Variants in NELL2 observed in about 807,000 individuals in gnomAD.
The protein encoded by NELL2 is neural EGFL like 2.
Under a neutral mutation model 109.6 loss-of-function variants are expected in NELL2, and 41 were observed. That is an observed-to-expected ratio of 0.37 (90% confidence interval 0.29 to 0.49). The LOEUF (loss-of-function observed/expected upper bound fraction) is 0.49, where lower values mean the gene tolerates loss of function less well. Ranked by LOEUF, NELL2 falls within the 20% of genes least tolerant of loss-of-function variation. NELL2 has a pLI of 0.98. For missense variants in NELL2, 900 were observed against 1,008.3 expected (o/e 0.89, Z 1.45); for synonymous variants, 355 against 344.7 (o/e 1.03, Z -0.33).
chr12:44,818,904 A>G (rs60000236), intron 2 of NELL2, among the ~76,000 whole-genome samples: 6 of 149,882 alleles, frequency 4.0e-5, no homozygotes, highest in East Asian at 2.0e-4. Flanking sequence ...CACCGCGCCC[A>G]GCTAATTTTT....
At chr12:44,678,243 G>T (rs1948381701) in intron 12 of NELL2, among the ~76,000 whole-genome samples, 1 of 151,906 alleles carries the variant, frequency 6.6e-6, no homozygotes, top group Non-Finnish European at 1.5e-5. Flanking sequence ...ACCTATATTT[G>T]GAAAAATCTT....
chr12:44,512,920 T>C (rs569354140), intron 19 of NELL2, among the ~76,000 whole-genome samples: 1 of 152,094 alleles, frequency 6.6e-6, no homozygotes, highest in East Asian at 1.9e-4. Flanking sequence ...TAAATATAAT[T>C]AATAATAATT....
intron 9 of NELL2, among the ~76,000 whole-genome samples, chr12:44,756,752 T>C (rs957746765): frequency 6.6e-6 from 1 of 152,194 alleles, no homozygotes; most frequent in Non-Finnish European, 1.5e-5. Flanking sequence ...CTCTTTCTCA[T>C]GTTATTTTAC....
intron 1 of NELL2, among the ~76,000 whole-genome samples, chr12:44,882,513 CACGCACACAT>C (rs1566589949): frequency 2.0e-5 from 3 of 151,496 alleles, no homozygotes; most frequent in African/African-American, 7.3e-5. Flanking sequence ...CACGCACACA[CACGCACACAT>C]ACATATATAT....
At chr12:44,753,522 A>T (rs542495538) in intron 9 of NELL2, among the ~76,000 whole-genome samples, 4 of 152,336 alleles carry the variant, frequency 2.6e-5, no homozygotes, top group South Asian at 4.1e-4. Context: ...GGTAAGCTGC[A>T]AAGTATTTTT....
chr12:44,819,154 T>C (rs188243478), intron 2 of NELL2, among the ~76,000 whole-genome samples: 1 of 152,234 alleles, frequency 6.6e-6, no homozygotes, highest in Admixed American at 6.5e-5. Context: ...TGAATATTAG[T>C]AAAAATGTAC....
chr12:44,875,629 C>A, intron 1 of NELL2, 186 bp downstream of exon 1: 1 of 1,606,040 alleles, frequency 6.2e-7, no homozygotes, highest in Non-Finnish European at 8.5e-7. Context: ...GGGCGTGATC[C>A]GCCTCGCGGT....
At chr12:44,580,003 TTAAC>T (rs1211527298) in intron 15 of NELL2, among the ~76,000 whole-genome samples, 1 of 152,202 alleles carries the variant, frequency 6.6e-6, no homozygotes, top group Admixed American at 6.5e-5. Context: ...TATACATTAT[TTAAC>T]TATCCAGAAA....
At chr12:44,761,151 C>T (rs1227084151) in intron 9 of NELL2, among the ~76,000 whole-genome samples, 1 of 152,148 alleles carries the variant, frequency 6.6e-6, no homozygotes, top group Non-Finnish European at 1.5e-5. Flanking sequence ...CACCTGAGGT[C>T]GGGAGTTCAA....
chr12:44,765,230 G>T (rs1413388833), intron 9 of NELL2, among the ~76,000 whole-genome samples: 5 of 152,176 alleles, frequency 3.3e-5, no homozygotes, highest in Non-Finnish European at 7.3e-5. Flanking sequence ...TATCTATTGT[G>T]CTATATGGAC....
At chr12:44,627,314 C>A (rs1946300993) in intron 13 of NELL2, among the ~76,000 whole-genome samples, 1 of 151,914 alleles carries the variant, frequency 6.6e-6, no homozygotes, top group African/African-American at 2.4e-5. Context: ...TTGCTTTAAT[C>A]TAATTTTTTG....
At chr12:44,578,313 C>T (rs530466547) in intron 15 of NELL2, among the ~76,000 whole-genome samples, 27 of 151,610 alleles carry the variant, frequency 1.8e-4, no homozygotes, top group African/African-American at 6.3e-4. Flanking sequence ...AAAACATATA[C>T]TTAAATATAT....
chr12:44,631,193 A>G (rs893832378), intron 13 of NELL2, among the ~76,000 whole-genome samples: 1 of 150,132 alleles, frequency 6.7e-6, no homozygotes, highest in Non-Finnish European at 1.5e-5. Flanking sequence ...TCTCTAACAT[A>G]TAAAGGTGAG....
intron 1 of NELL2, among the ~76,000 whole-genome samples, chr12:44,900,943 C>G (rs2136880731): frequency 6.6e-6 from 1 of 152,154 alleles, no homozygotes; most frequent in African/African-American, 2.4e-5. Context: ...GAGGCCAGAT[C>G]ATGCCACTGC....
intron 16 of NELL2, among the ~76,000 whole-genome samples, chr12:44,530,210 C>T (rs771994631): frequency 1.5e-4 from 23 of 152,100 alleles, no homozygotes; most frequent in South Asian, 6.2e-4. Context: ...AATAAATAGG[C>T]GAGTACGGGT....
At chr12:44,543,426 A>T (rs1942663086) in intron 15 of NELL2, among the ~76,000 whole-genome samples, 1 of 152,158 alleles carries the variant, frequency 6.6e-6, no homozygotes, top group South Asian at 2.1e-4. Flanking sequence ...CCTACAGTGC[A>T]TTCTGAATCA....
chr12:44,629,942 T>C (rs1185378120), intron 13 of NELL2, among the ~76,000 whole-genome samples: 1 of 152,188 alleles, frequency 6.6e-6, no homozygotes, highest in Non-Finnish European at 1.5e-5. Flanking sequence ...TAGAATCACA[T>C]GTTGGTTGGT....
intron 16 of NELL2, among the ~76,000 whole-genome samples, chr12:44,528,016 C>G (rs188918890): frequency 7.7e-5 from 11 of 143,518 alleles, no homozygotes; most frequent in Admixed American, 7.4e-4. Context: ...ATGGCGTGAA[C>G]CGGGGAGGTG....
chr12:44,886,612 G>A (rs1268518791), intron 1 of NELL2, among the ~76,000 whole-genome samples: 1 of 151,882 alleles, frequency 6.6e-6, no homozygotes, highest in South Asian at 2.1e-4. Context: ...TCAAATAAGT[G>A]TATTGGAATA....
Sources: gnomAD v4.1 joint callset for allele counts (sites outside exome capture counted in the v4.1 genomes callset) on GRCh38, gnomAD v4.1.1 for gene constraint, MANE v1.5 for transcripts, NCBI Gene and HGNC (gene_info 2026-07-23, HGNC 2026-07-21) for gene names.